ARID2: variants seen among roughly 807,000 people sequenced by gnomAD.
ARID2 encodes the protein AT-rich interactive domain-containing protein 2.
ARID2 carries 32 observed loss-of-function variants against 184.6 expected under a neutral mutation model. That is an observed-to-expected ratio of 0.17 (90% CI 0.13 to 0.23). The LOEUF (loss-of-function observed/expected upper bound fraction) is 0.23. ARID2 is among the 10% of genes least tolerant of loss of function. The probability of loss-of-function intolerance (pLI) is 1.00; values close to 1 mark genes in which losing one functional copy is unlikely to be tolerated. For synonymous variants in ARID2, 836 were observed against 772.6 expected (o/e 1.08, Z -1.36); for missense variants, 1,696 against 2,197.6 (o/e 0.77, Z 4.56).
chr12:45,838,975 C>T (rs548246944), intron 10 of ARID2, among the ~76,000 whole-genome samples: 237 of 151,172 alleles, frequency 1.6e-3, no homozygotes, highest in Non-Finnish European at 1.7e-3. Flanking sequence ...ATGCCATTCT[C>T]CTGCCTCAGC....
chr12:45,836,572 A>G lies in ARID2; in HGVS notation c.706-17A>G, dbSNP rs199887651. The G allele has an allele frequency of 1.3e-5, 20 of 1,594,552 alleles. No homozygotes were observed. The highest frequency in any genetic ancestry group is 1.7e-5 in the Non-Finnish European group (20 of 1,171,274). ...GTTGTTTCAAATCATGGAGAATTAA[A>G]TAATTTATCATTACAGTTTTGGAAA... On this transcript the variant is annotated splice_polypyrimidine_tract_variant and intron_variant, in intron 6 of 20. Coordinates refer to ENST00000334344, the MANE Select transcript of ARID2 (RefSeq NM_152641.4).
chr12:45,904,768 G>C (rs1282559009), intron 20 of ARID2, among the ~76,000 whole-genome samples, 166 bp from the exon 21 acceptor site: 1 of 149,674 alleles, frequency 6.7e-6, no homozygotes, highest in Non-Finnish European at 1.5e-5. Context: ...TATCCTTCTA[G>C]TTGTTTCCCA....
chr12:45,800,891 C>T (rs1248008810), intron 3 of ARID2, among the ~76,000 whole-genome samples: 2 of 151,858 alleles, frequency 1.3e-5, no homozygotes, highest in East Asian at 1.9e-4. Context: ...GACTGAATAA[C>T]GATAGGAATG....
intron 11 of ARID2, among the ~76,000 whole-genome samples, chr12:45,842,744 A>G (rs1943374115): frequency 6.6e-6 from 1 of 151,928 alleles, no homozygotes; most frequent in Non-Finnish European, 1.5e-5. Flanking sequence ...TGACAGACCA[A>G]GACTCCATCT....
intron 16 of ARID2, among the ~76,000 whole-genome samples, chr12:45,871,750 C>A (rs1434223252): frequency 6.6e-6 from 1 of 152,100 alleles, no homozygotes; most frequent in African/African-American, 2.4e-5. Flanking sequence ...CTGGTACTTT[C>A]TGTTTTGAAG....
At chr12:45,800,750 G>C (rs1294768285) in intron 3 of ARID2, among the ~76,000 whole-genome samples, 1 of 151,856 alleles carries the variant, frequency 6.6e-6, no homozygotes, top group Non-Finnish European at 1.5e-5. Context: ...TATAAAGTAA[G>C]AAACTGCTAA....
At position 45,907,172 on chromosome 12, in the gene ARID2, T is replaced by A; in HGVS notation, c.*2094T>A. 4.3e-6 allele frequency: 1 copy of A among 232,792 alleles called. No individual in the cohort carries two copies. Among genetic ancestry groups the A allele is most frequent in the Non-Finnish European group, 8.5e-6 (1 of 117,772 alleles). 14.4% of individuals were successfully genotyped at this position (232,792 alleles called of 1,614,324 possible). On this transcript the variant is annotated 3_prime_UTR_variant, in exon 21 of 21. Coordinates refer to ENST00000334344, the MANE Select transcript of ARID2 (RefSeq NM_152641.4). ...ACAGACACCGCTGAAATCATGTGGGTATCCCTAGGATGGCCTTCAGAGCCC... is the reference window on the plus strand; with the variant it reads ...ACAGACACCGCTGAAATCATGTGGGAATCCCTAGGATGGCCTTCAGAGCCC...
chr12:45,887,443 T>C (rs1204519332), intron 16 of ARID2, among the ~76,000 whole-genome samples: 1 of 152,170 alleles, frequency 6.6e-6, no homozygotes, highest in African/African-American at 2.4e-5. Flanking sequence ...ACATTTGTTT[T>C]TATATACTTA....
intron 6 of ARID2, among the ~76,000 whole-genome samples, chr12:45,822,317 C>T (rs1942913044): frequency 1.3e-5 from 2 of 152,052 alleles, no homozygotes; most frequent in Non-Finnish European, 2.9e-5. Flanking sequence ...GCCTGAGCAA[C>T]AAAGCAAGAC....
rs764277536 is a variant in ARID2, at chr12:45,852,019, A to G, written c.3896A>G (p.Tyr1299Cys). 2.5e-6 allele frequency: 4 copies of G among 1,614,044 alleles called. No individual in the cohort carries two copies. In the East Asian group the frequency reaches 8.9e-5, roughly 36 times the overall value. ...GGAAGTCTTTTAAATGGGAGAAAGT[A>G]CAGTGACTCAAGTCTACCTCCTTCA... ...HVGSLLNGRK[Y>C]SDSSLPPSNS... Residue 1299 changes from tyrosine to cysteine, a missense_variant, in exon 15 of 21, where the codon TAC becomes TGC. This residue lies in a region of ARID2 where 428 missense variants were observed against 409.1 expected (regional missense o/e 1.05). Coordinates refer to ENST00000334344, the MANE Select transcript of ARID2 (RefSeq NM_152641.4).
Position 45,893,610 on chromosome 12 carries a change from T to C in ARID2, c.5272-20T>C. 6.2e-7 allele frequency: 1 copy of C among 1,603,290 alleles called. No individual in the cohort carries two copies. Among genetic ancestry groups the C allele is most frequent in the Non-Finnish European group, 8.5e-7 (1 of 1,177,370 alleles). Reference sequence around the variant, plus strand: ...CTGTATGATTTAGATCTTTATTCTTTTTTTTCCTTTCTTTTTAAGGATGAA... The same window carrying C: ...CTGTATGATTTAGATCTTTATTCTTCTTTTTCCTTTCTTTTTAAGGATGAA... On this transcript the variant is annotated intron_variant, in intron 19 of 20. Transcript: ENST00000334344.
intron 3 of ARID2, among the ~76,000 whole-genome samples, chr12:45,797,408 T>C (rs946895462): frequency 3.9e-5 from 6 of 152,100 alleles, no homozygotes; most frequent in African/African-American, 1.4e-4. Context: ...CTAATTTTTA[T>C]ATTTTTAGTA....
chr12:45,730,173 T>C (rs2137960105), intron 2 of ARID2, 36 bp downstream of exon 2: 1 of 1,604,138 alleles, frequency 6.2e-7, no homozygotes, highest in Non-Finnish European at 8.5e-7. Flanking sequence ...TCCCTCTCGC[T>C]GGCCTCCTCC....
At chr12:45,777,138 T>C (rs1418206130) in intron 3 of ARID2, among the ~76,000 whole-genome samples, 1 of 151,794 alleles carries the variant, frequency 6.6e-6, no homozygotes, top group Non-Finnish European at 1.5e-5. Context: ...AAAAGGAAAC[T>C]TTAAAAATGG....
At position 45,906,814 on chromosome 12, in the gene ARID2, CT is replaced by C. The variant is rs933450140; in HGVS notation, c.*1743del. The stretch of plus-strand genomic sequence containing the variant: ...TTGATGCAGTTAAAGCTCAATATGC[CT>C]TTTTTTACTGGATACTGTACATTTG... On this transcript the variant is annotated 3_prime_UTR_variant, in exon 21 of 21. Coordinates refer to ENST00000334344, the MANE Select transcript of ARID2 (RefSeq NM_152641.4). 4.3e-6 allele frequency: 1 copy of C among 231,964 alleles called. No homozygotes were observed. The highest frequency in any genetic ancestry group is 6.1e-5 in the East Asian group (1 of 16,324). 14.4% of individuals were successfully genotyped at this position (231,964 alleles called of 1,614,324 possible).
intron 3 of ARID2, among the ~76,000 whole-genome samples, chr12:45,780,911 C>T (rs1311102456): frequency 2.6e-5 from 4 of 152,082 alleles, no homozygotes; most frequent in Middle Eastern, 3.2e-3. Flanking sequence ...TGAGCCACTG[C>T]GCCCGGCTGA....
At chr12:45,858,249 T>C (rs1943685099) in intron 15 of ARID2, among the ~76,000 whole-genome samples, 1 of 152,162 alleles carries the variant, frequency 6.6e-6, no homozygotes, top group Non-Finnish European at 1.5e-5. Flanking sequence ...AAGATACAGC[T>C]ACTCAGGAGG....
intron 3 of ARID2, among the ~76,000 whole-genome samples, chr12:45,791,260 G>T (rs1243359806): frequency 3.3e-5 from 5 of 151,952 alleles, no homozygotes; most frequent in Non-Finnish European, 5.9e-5. Context: ...GTATGAAGTA[G>T]TAGCTGTGTT....
At chr12:45,803,458 T>A (rs1942544165) in intron 3 of ARID2, among the ~76,000 whole-genome samples, 1 of 152,240 alleles carries the variant, frequency 6.6e-6, no homozygotes, top group South Asian at 2.1e-4. Flanking sequence ...GTATCCTTGC[T>A]TGAAATAATA....
Sources: gnomAD v4.1 joint callset for allele counts (sites outside exome capture counted in the v4.1 genomes callset) on GRCh38, gnomAD v4.1.1 for gene constraint, gnomAD v4.1.1 regional missense constraint, MANE v1.5 for transcripts, NCBI Gene and HGNC (gene_info 2026-07-23, HGNC 2026-07-21) for gene names.